The following TRAK1 variants were observed in gnomAD, a reference collection of about 807,000 sequenced individuals.
TRAK1 encodes the protein trafficking kinesin-binding protein 1.
A neutral mutation model predicts 92.1 loss-of-function variants in TRAK1; 33 were observed. The observed-to-expected ratio is 0.36, with a 90% CI of 0.27 to 0.48. The LOEUF (loss-of-function observed/expected upper bound fraction) is 0.48, where lower values mean the gene tolerates loss of function less well. Ranked by LOEUF, TRAK1 falls within the 20% of genes least tolerant of loss-of-function variation. TRAK1 has a pLI of 0.99. For synonymous variants in TRAK1, 521 were observed against 517.3 expected (o/e 1.01, Z -0.10); for missense variants, 1,123 against 1,257.9 (o/e 0.89, Z 1.62).
Position 42,225,035 on chromosome 3 carries a change from G to C in TRAK1, c.*1298G>C, listed in dbSNP as rs1461412854. On this transcript the variant is annotated 3_prime_UTR_variant, in exon 16 of 16. Transcript: ENST00000327628. Reference sequence around the variant, plus strand: ...AAGAATCATGAATGCAACAAGGGAGGCTGGTCCTGTTGCTGTCGCCGATTA... The same window carrying C: ...AAGAATCATGAATGCAACAAGGGAGCCTGGTCCTGTTGCTGTCGCCGATTA... The C allele has an allele frequency of 6.6e-6, 1 of 152,192 alleles. No homozygotes were observed. 9.4% of individuals were successfully genotyped at this position (152,192 alleles called of 1,614,324 possible).
intron 1 of TRAK1, among the ~76,000 whole-genome samples, chr3:42,106,731 A>G (rs1353429516): frequency 2.0e-5 from 3 of 152,218 alleles, no homozygotes; most frequent in African/African-American, 7.2e-5. Context: ...TGAATGTGGA[A>G]TCATTTTACT....
At chr3:42,061,341 AC>A (rs1216331966) in intron 1 of TRAK1, among the ~76,000 whole-genome samples, 1 of 26,016 alleles carries the variant, frequency 3.8e-5, no homozygotes, top group Non-Finnish European at 7.3e-5. Context: ...TGCACACCCC[AC>A]CCCCCCACGC....
chr3:42,142,621 A>G (rs1363684872), intron 2 of TRAK1, among the ~76,000 whole-genome samples: 1 of 152,190 alleles, frequency 6.6e-6, no homozygotes, highest in Non-Finnish European at 1.5e-5. Context: ...ATATTTGTAC[A>G]CTGTTTTATA....
chr3:42,066,456 G>A (rs994464632), intron 1 of TRAK1, among the ~76,000 whole-genome samples: 3 of 152,076 alleles, frequency 2.0e-5, no homozygotes, highest in African/African-American at 7.2e-5. Flanking sequence ...CACCCAGCGT[G>A]GGAAGGCTGG....
chr3:42,177,947 G>A lies in TRAK1; in HGVS notation c.363+1057G>A, dbSNP rs565749943. On this transcript the variant is annotated intron_variant, in intron 3 of 15. Coordinates refer to ENST00000327628, the MANE Select transcript of TRAK1 (RefSeq NM_001042646.3). ...GTCAAGGGCGGTATTTTGGGGGACC[G>A]ACCTTCAGCCTTTGGGTGTCACTCC... Among the ~76,000 whole-genome samples the A allele has an allele frequency of 1.5e-4, 23 of 152,242 alleles. 1 individual carries two copies. Among genetic ancestry groups the A allele is most frequent in the Middle Eastern group, 3.4e-3 (1 of 294 alleles).
chr3:42,204,126 G>T, intron 13 of TRAK1: 2 of 985,756 alleles, frequency 2.0e-6, no homozygotes, highest in East Asian at 1.1e-4. Flanking sequence ...TGTAAGCTTG[G>T]TGATTGTTTT....
chr3:42,135,619 C>T (rs944499392), intron 2 of TRAK1, among the ~76,000 whole-genome samples: 14 of 152,194 alleles, frequency 9.2e-5, no homozygotes, highest in Non-Finnish European at 1.9e-4. Flanking sequence ...GGGTATTTCC[C>T]ACTGGGAGTT....
chr3:42,185,197 G>A (rs918021525), intron 4 of TRAK1, among the ~76,000 whole-genome samples: 1 of 152,198 alleles, frequency 6.6e-6, no homozygotes, highest in Non-Finnish European at 1.5e-5. Context: ...ACACCACAAC[G>A]AGCAGGGGTT....
intron 1 of TRAK1, among the ~76,000 whole-genome samples, chr3:42,054,229 A>T (rs564568967): frequency 6.6e-6 from 1 of 152,254 alleles, no homozygotes; most frequent in Admixed American, 6.5e-5. Context: ...CTTTGTCAAC[A>T]TAATCAATAA....
chr3:42,196,983 TTCTCTC>T (rs751918693), intron 10 of TRAK1, among the ~76,000 whole-genome samples: 9 of 123,330 alleles, frequency 7.3e-5, no homozygotes, highest in East Asian at 2.2e-4. Flanking sequence ...CTCTTTCTCT[TTCTCTC>T]TCTCTCTCTC....
At chr3:42,184,613 C>T in intron 3 of TRAK1, 72 bp from the exon 4 acceptor site, 2 of 1,391,680 alleles carry the variant, frequency 1.4e-6, no homozygotes, top group South Asian at 1.2e-5. Context: ...CCTCATTTGA[C>T]ACTGAGCACC....
intron 1 of TRAK1, among the ~76,000 whole-genome samples, chr3:42,062,251 A>G (rs1008906653): frequency 2.0e-5 from 3 of 151,886 alleles, no homozygotes; most frequent in Admixed American, 6.6e-5. Flanking sequence ...TTGGTGAACT[A>G]CTGGTATTAT....
Position 42,223,573 on chromosome 3 carries a change from A to G in TRAK1, c.2698A>G (p.Thr900Ala), listed in dbSNP as rs1710562254. The change falls in exon 16 of 16, where the codon ACT becomes GCT. Residue 900 changes from threonine (T) to alanine (A), a missense_variant. By Grantham distance (58) the Thr-to-Ala change is moderately conservative. Coordinates refer to ENST00000327628, the MANE Select transcript of TRAK1 (RefSeq NM_001042646.3). This position sits in a 1 kb window ranked among gnomAD's most constrained non-coding sequence, Gnocchi z 6.1. ...VPEGLPLRCP[T>A]VTSAIGGLQL... ...TGAGGGCCTGCCCCTCAGATGCCCCACTGTCACCAGTGCCATCGGTGGGCT... is the reference window on the plus strand; with the variant it reads ...TGAGGGCCTGCCCCTCAGATGCCCCGCTGTCACCAGTGCCATCGGTGGGCT... The G allele has an allele frequency of 1.2e-6, 2 of 1,613,752 alleles. No individual in the cohort carries two copies. The highest frequency in any genetic ancestry group is 2.7e-5 in the African/African-American group (2 of 74,888).
At position 42,021,384 on chromosome 3, in the gene TRAK1, C is replaced by G. The variant is rs557699686; in HGVS notation, c.-519+7267C>G. On this transcript the variant is annotated intron_variant, in intron 1 of 16. Coordinates refer to the TRAK1 transcript ENST00000487159. ...CTTTATGTACCTGAGTGGGAAGTAGCTTTGTTTTCATTCATTAATTAAAAA... is the reference window on the plus strand; with the variant it reads ...CTTTATGTACCTGAGTGGGAAGTAGGTTTGTTTTCATTCATTAATTAAAAA... 1.2e-4 allele frequency among the ~76,000 whole-genome samples: 18 copies of G among 152,180 alleles called. 1 individual carries two copies. The South Asian group carries it at 3.7e-3, about 32-fold the overall frequency.
At chr3:42,210,444 G>C (rs1290233823) in intron 14 of TRAK1, 53 of 1,260,816 alleles carry the variant, frequency 4.2e-5, no homozygotes, top group Non-Finnish European at 5.2e-5. Context: ...TTGGGTCCCT[G>C]AAAACATCAG....
intron 2 of TRAK1, among the ~76,000 whole-genome samples, chr3:42,152,328 C>T (rs978367066): frequency 6.6e-6 from 1 of 152,226 alleles, no homozygotes; most frequent in South Asian, 2.1e-4. Context: ...AAATAGCCAG[C>T]GATCAATGCA....
chr3:42,053,941 G>A (rs1388142383), intron 1 of TRAK1, among the ~76,000 whole-genome samples: 1 of 152,140 alleles, frequency 6.6e-6, no homozygotes, highest in Admixed American at 6.5e-5. Context: ...ATGCACAAAG[G>A]TCTCTTTTGA....
At chr3:42,181,153 G>T (rs1024929979) in intron 3 of TRAK1, among the ~76,000 whole-genome samples, 1 of 152,286 alleles carries the variant, frequency 6.6e-6, no homozygotes, top group Non-Finnish European at 1.5e-5. Flanking sequence ...GAAGCCTTCC[G>T]CATCCTTCAG....
chr3:42,159,382 C>T (rs999432661), intron 2 of TRAK1, among the ~76,000 whole-genome samples: 14 of 152,092 alleles, frequency 9.2e-5, no homozygotes, highest in African/African-American at 3.1e-4. Context: ...TGTGATTCTC[C>T]GAGACGCTAG....
Sources: allele counts gnomAD v4.1 joint callset (sites outside exome capture counted in the v4.1 genomes callset), GRCh38; gene constraint gnomAD v4.1.1; non-coding constraint Gnocchi (gnomAD v3.1); transcripts MANE v1.5; gene names NCBI Gene and HGNC (gene_info 2026-07-23, HGNC 2026-07-21).